The following MGAT4C variants were observed in gnomAD, a reference collection of about 807,000 sequenced individuals.
The protein encoded by MGAT4C is MGAT4 family member C.
In MGAT4C, 19 loss-of-function variants were observed where a neutral mutation model predicts 40.1. That is an observed-to-expected ratio of 0.47 (90% CI 0.33 to 0.70). The LOEUF is 0.70. Ranked by LOEUF, MGAT4C falls within the 30% of genes least tolerant of loss-of-function variation. The pLI is 0.02. For missense variants in MGAT4C, 491 were observed against 563.2 expected, an observed-to-expected ratio of 0.87 and a Z score of 1.30; for synonymous variants, 181 against 187.1, an observed-to-expected ratio of 0.97 and a Z score of 0.27.
intron 2 of MGAT4C, among the ~76,000 whole-genome samples, chr12:86,473,269 TG>T (rs1957782127): frequency 6.6e-6 from 1 of 152,102 alleles, no homozygotes; most frequent in Non-Finnish European, 1.5e-5. Flanking sequence ...ATTTCTTTTT[TG>T]TGTGTGTGAA....
At chr12:86,024,512 T>C (rs1207017199) in intron 2 of MGAT4C, among the ~76,000 whole-genome samples, 1 of 151,852 alleles carries the variant, frequency 6.6e-6, no homozygotes, top group Non-Finnish European at 1.5e-5. Flanking sequence ...TTACATTGAT[T>C]TTATAGAAGA....
At chr12:86,443,529 T>C (rs1326100179) in intron 2 of MGAT4C, among the ~76,000 whole-genome samples, 1 of 152,156 alleles carries the variant, frequency 6.6e-6, no homozygotes, top group Non-Finnish European at 1.5e-5. Flanking sequence ...CAATAGCCCC[T>C]GTGTAGGAGA....
chr12:86,300,536 G>T (rs569389849), intron 4 of MGAT4C, among the ~76,000 whole-genome samples: 1 of 152,198 alleles, frequency 6.6e-6, no homozygotes, highest in African/African-American at 2.4e-5. Flanking sequence ...AAACAGAGAA[G>T]GGTGGTTCCT....
intron 1 of MGAT4C, among the ~76,000 whole-genome samples, chr12:86,832,216 G>A (rs1359735087): frequency 1.3e-5 from 2 of 151,598 alleles, no homozygotes; most frequent in Non-Finnish European, 2.9e-5. Context: ...AGCATGTCCC[G>A]CCACAAAACC....
intron 1 of MGAT4C, among the ~76,000 whole-genome samples, chr12:86,822,562 A>G (rs1952723877): frequency 1.2e-5 from 1 of 85,204 alleles, no homozygotes; most frequent in Non-Finnish European, 3.2e-5. Context: ...CAGACAAAAT[A>G]GACTTCAAGT....
intron 1 of MGAT4C, among the ~76,000 whole-genome samples, chr12:86,119,641 T>G (rs1879039936): frequency 6.6e-6 from 1 of 151,762 alleles, no homozygotes; most frequent in Admixed American, 6.6e-5. Flanking sequence ...ACTCCTGACG[T>G]CAGGTGATCC....
rs1566274848 is a variant in MGAT4C, at chr12:86,306,021, G to A, written c.-57+28044C>T. On this transcript the variant is annotated intron_variant, in intron 4 of 7. Coordinates refer to the MGAT4C transcript ENST00000548651. ...TAATGTATATCTCTCCTCTATCGAG[G>A]AAGATGGAAAGATACATATTGCAAG... Among the ~76,000 whole-genome samples the A allele has an allele frequency of 2.0e-5, 3 of 150,572 alleles. No homozygotes were observed. The East Asian group carries it at 5.8e-4, about 29-fold the overall frequency.
intron 1 of MGAT4C, among the ~76,000 whole-genome samples, chr12:86,147,246 A>C (rs544132021): frequency 6.8e-6 from 1 of 148,134 alleles, no homozygotes; most frequent in African/African-American, 2.5e-5. Context: ...AATTTATTAA[A>C]TTTTTTTTTT....
At chr12:85,983,904 A>C (rs1348093629) in intron 3 of MGAT4C, among the ~76,000 whole-genome samples, 3 of 152,110 alleles carry the variant, frequency 2.0e-5, no homozygotes, top group Non-Finnish European at 4.4e-5. Flanking sequence ...CCACAATTAC[A>C]TTTGTTTTTC....
At chr12:86,655,967 A>G (rs567351300) in intron 2 of MGAT4C, among the ~76,000 whole-genome samples, 25 of 152,230 alleles carry the variant, frequency 1.6e-4, no homozygotes, top group Middle Eastern at 6.8e-3. Flanking sequence ...AAGTTTATCT[A>G]GAATCCATAC....
At chr12:86,171,820 T>G (rs1886882498) in intron 1 of MGAT4C, among the ~76,000 whole-genome samples, 1 of 152,222 alleles carries the variant, frequency 6.6e-6, no homozygotes, top group South Asian at 2.1e-4. Flanking sequence ...TTTGGATGAA[T>G]GAATCCACAT....
chr12:86,404,209 G>A (rs901213217), intron 3 of MGAT4C, among the ~76,000 whole-genome samples: 2 of 151,942 alleles, frequency 1.3e-5, no homozygotes, highest in African/African-American at 2.4e-5. Context: ...CATATTTAAC[G>A]GACTTGGTGC....
intron 1 of MGAT4C, among the ~76,000 whole-genome samples, chr12:86,236,760 G>GA (rs1951568748): frequency 6.6e-6 from 1 of 151,768 alleles, no homozygotes; most frequent in African/African-American, 2.4e-5. Context: ...AGTTCAACTA[G>GA]AAAAAACACA....
intron 2 of MGAT4C, among the ~76,000 whole-genome samples, chr12:86,710,270 C>T (rs370536766): frequency 5.9e-5 from 9 of 152,110 alleles, no homozygotes; most frequent in Admixed American, 2.0e-4. Context: ...TACCCTTGAA[C>T]CTCTGAGGTG....
intron 2 of MGAT4C, among the ~76,000 whole-genome samples, chr12:86,598,703 T>A (rs1458914768): frequency 3.9e-5 from 6 of 152,112 alleles, no homozygotes; most frequent in African/African-American, 1.4e-4. Flanking sequence ...CTAAAAGGTA[T>A]TATTATAGTA....
intron 2 of MGAT4C, among the ~76,000 whole-genome samples, chr12:86,552,878 T>C (rs1592979398): frequency 6.6e-6 from 1 of 152,162 alleles, no homozygotes; most frequent in East Asian, 1.9e-4. Flanking sequence ...ATTGTGGTTT[T>C]ACCATTACTT....
At chr12:86,697,902 T>C (rs1179532429) in intron 2 of MGAT4C, among the ~76,000 whole-genome samples, 4 of 152,144 alleles carry the variant, frequency 2.6e-5, no homozygotes, top group African/African-American at 9.6e-5. Context: ...ATCTTTCTCC[T>C]ATAATGTATC....
intron 2 of MGAT4C, among the ~76,000 whole-genome samples, chr12:86,706,221 C>T (rs1950454593): frequency 6.6e-6 from 1 of 152,008 alleles, no homozygotes; most frequent in African/African-American, 2.4e-5. Context: ...CATTTTTTGT[C>T]TTACTGGATA....
chr12:86,822,561 T>TAG (rs1342260876), intron 1 of MGAT4C, among the ~76,000 whole-genome samples: 1 of 85,250 alleles, frequency 1.2e-5, no homozygotes, highest in East Asian at 2.2e-4. Context: ...TCAGACAAAA[T>TAG]AGACTTCAAG....
Sources: gnomAD v4.1 joint callset for allele counts (sites outside exome capture counted in the v4.1 genomes callset) on GRCh38, gnomAD v4.1.1 for gene constraint, MANE v1.5 for transcripts, NCBI Gene and HGNC (gene_info 2026-07-23, HGNC 2026-07-21) for gene names.